Variants in JAG2 observed in about 807,000 individuals in gnomAD.
JAG2 encodes the protein jagged canonical Notch ligand 2.
In JAG2, 46 loss-of-function variants were observed where a neutral mutation model predicts 141.7. The ratio of observed to expected loss-of-function variants is 0.32; its 90% CI spans 0.26 to 0.42. The LOEUF is 0.42. JAG2 is among the 10% of genes least tolerant of loss of function. The probability of loss-of-function intolerance (pLI) is 1.00; values close to 1 mark genes in which losing one functional copy is unlikely to be tolerated. For missense variants in JAG2, 1,500 were observed against 1,817.5 expected, an observed-to-expected ratio of 0.83 and a Z score of 3.18; for synonymous variants, 862 against 763.5, an observed-to-expected ratio of 1.13 and a Z score of -2.13.
intron 5 of JAG2, among the ~76,000 whole-genome samples, chr14:105,153,306 C>T (rs1198039451): frequency 2.6e-5 from 4 of 152,250 alleles, no homozygotes; most frequent in African/African-American, 4.8e-5. Context: ...CCGGGAAGAA[C>T]GTGTCTCCAG....
intron 2 of JAG2, among the ~76,000 whole-genome samples, chr14:105,159,120 G>A (rs1394697768): frequency 6.6e-6 from 1 of 151,706 alleles, no homozygotes; most frequent in Non-Finnish European, 1.5e-5. Context: ...CAGCCTCCAG[G>A]ACCCCCACCC....
At chr14:105,165,649 G>T (rs1196683074) in intron 2 of JAG2, among the ~76,000 whole-genome samples, 4 of 152,166 alleles carry the variant, frequency 2.6e-5, no homozygotes, top group African/African-American at 9.7e-5. Flanking sequence ...TGGGTCAACA[G>T]CAGAGACCAC....
In JAG2 at chr14:105,143,039, T is replaced by C. The variant is rs1297005094; in HGVS notation, c.3373A>G (p.Asn1125Asp). The part of the protein sequence containing the change: ...RSRLPREESA[N>D]NQWAPLNPIR... ...GGGTTGAGCGGGGCCCACTGGTTGT[T>C]GGCGCTCTCCTCCCGCGGCAGCCGG... Residue 1125 changes from asparagine to aspartate, a missense_variant, in exon 26 of 26, where the codon AAC (asparagine) becomes GAC (aspartate). By Grantham distance (23) the Asn-to-Asp change is conservative (BLOSUM62 1). Around this residue, in one of 3 missense-constraint regions of JAG2, gnomAD observed 425 missense variants for 441.0 expected, o/e 0.96. Coordinates refer to ENST00000331782, the MANE Select transcript of JAG2 (RefSeq NM_002226.5). The C allele has an allele frequency of 6.2e-7, 1 of 1,604,620 alleles. No homozygotes were observed. The highest frequency in any genetic ancestry group is 8.5e-7 in the Non-Finnish European group (1 of 1,179,674).
At chr14:105,151,788 T>A in intron 7 of JAG2, 49 bp from the exon 8 acceptor site, 1 of 1,600,028 alleles carries the variant, frequency 6.2e-7, no homozygotes, top group African/African-American at 1.3e-5. Context: ...GCCCCCAGCT[T>A]TCCACAAGCA....
At position 105,157,587 on chromosome 14, in the gene JAG2, C is replaced by T. The variant is rs1888617880; in HGVS notation, c.475+119G>A. The T allele has an allele frequency of 5.9e-6, 6 of 1,015,376 alleles. No individual in the cohort carries two copies. The South Asian group carries it at 6.8e-5, about 12-fold the overall frequency. The allele number at this position is 1,015,376 out of a possible 1,614,324, so 62.9% of individuals were successfully genotyped here. A position where few individuals can be genotyped will look rare whatever the true frequency, so the allele number is the denominator to read the frequency against. On this transcript the variant is annotated intron_variant, in intron 3 of 25. Coordinates refer to ENST00000331782, the MANE Select transcript of JAG2 (RefSeq NM_002226.5). ...CTGGCAGCCAAAGCAAAAAGGGAAA[C>T]AGCACACATGATCCTCAGGGTAAAG...
chr14:105,146,935 T>A (rs1888243371), intron 20 of JAG2: 1 of 652,600 alleles, frequency 1.5e-6, no homozygotes, highest in Admixed American at 2.1e-5. Flanking sequence ...CTCCGTCTGC[T>A]TCTGCAGTGG....
chr14:105,157,886 C>G, intron 2 of JAG2, 123 bp from the exon 3 acceptor site: 1 of 868,752 alleles, frequency 1.2e-6, no homozygotes, highest in Non-Finnish European at 1.9e-6. Flanking sequence ...CCTTCCTCCC[C>G]AGCCAGGGAC....
Position 105,167,734 on chromosome 14 carries a change from C to A in JAG2, c.417+23G>T, listed in dbSNP as rs1317012733. On this transcript the variant is annotated intron_variant, in intron 2 of 25. Coordinates refer to ENST00000331782, the MANE Select transcript of JAG2 (RefSeq NM_002226.5). The surrounding 1 kb of genome is among the most constrained non-coding windows in gnomAD (Gnocchi z 4.8). ...GCGGAGAGAGAGGGAAGGGCTGGAG[C>A]ACGAGGGATGGAGCGCACGTACCGG... 1 of 1,440,854 alleles carries A rather than the reference C, an allele frequency of 6.9e-7. No homozygotes were observed. Among genetic ancestry groups the A allele is most frequent in the South Asian group, 1.3e-5 (1 of 74,268 alleles). 89.3% of individuals were successfully genotyped at this position (1,440,854 alleles called of 1,614,324 possible). A position where few individuals can be genotyped will look rare whatever the true frequency, so the allele number is the denominator to read the frequency against.
intron 24 of JAG2, among the ~76,000 whole-genome samples, chr14:105,143,945 C>T (rs1396860964): frequency 7.5e-6 from 1 of 133,054 alleles, no homozygotes; most frequent in Non-Finnish European, 1.5e-5. Flanking sequence ...CCCATCCGGG[C>T]GCACGGGACA....
chr14:105,148,286 T>C, intron 16 of JAG2, 40 bp downstream of exon 16: 1 of 1,591,906 alleles, frequency 6.3e-7, no homozygotes, highest in Non-Finnish European at 8.6e-7. Flanking sequence ...GCCAGGGTCC[T>C]GGGGGCAGCC....
intron 1 of JAG2, 46 bp from the exon 2 acceptor site, chr14:105,168,153 T>A: frequency 2.8e-6 from 4 of 1,421,718 alleles, no homozygotes; most frequent in Non-Finnish European, 3.7e-6. Flanking sequence ...CGGGCCGGGG[T>A]CGGCGGGCCG....
At position 105,152,041 on chromosome 14, in the gene JAG2, G is replaced by A; in HGVS notation, c.936C>T (p.Gly312=). The change falls in exon 7 of 26, where the codon GGC becomes GGT. Residue 312 remains glycine (G), a synonymous_variant. Coordinates refer to ENST00000331782, the MANE Select transcript of JAG2 (RefSeq NM_002226.5). The part of the protein sequence containing the change: ...LLCDKDLNYC[G]SHHPCTNGGT... Reference sequence around the variant, plus strand: ...CTCCGTTGGTGCAGGGGTGGTGGCTGCCACAGTAGTTCAGGTCTGGGGGCA... The same window carrying A: ...CTCCGTTGGTGCAGGGGTGGTGGCTACCACAGTAGTTCAGGTCTGGGGGCA... 1.2e-6 allele frequency: 2 copies of A among 1,613,280 alleles called. No individual in the cohort carries two copies. The highest frequency in any genetic ancestry group is 1.7e-6 in the Non-Finnish European group (2 of 1,179,948).
Position 105,168,017 on chromosome 14 carries a change from C to G in JAG2, c.157G>C (p.Asp53His). The change falls in exon 2 of 26, where the codon GAC becomes CAC. Residue 53 changes from aspartate to histidine, a missense_variant. Physicochemically the swap from Asp to His is moderately conservative, Grantham distance 81 (BLOSUM62 -1). Around this residue, in one of 3 missense-constraint regions of JAG2, gnomAD observed 200 missense variants for 174.3 expected, o/e 1.15. Transcript: ENST00000331782. Reference protein sequence around the residue: ...ELLSGACCDGDGRTTRAGGCG... With the variant: ...ELLSGACCDGHGRTTRAGGCG... ...CCCCCCGCGCGCGTTGTCCGGCCGT[C>G]GCCGTCACAGCAGGCGCCGCTCAGC... is the stretch of plus-strand genomic sequence containing the variant. 1 of 1,598,704 alleles carries G rather than the reference C, an allele frequency of 6.3e-7. No individual in the cohort carries two copies. Among genetic ancestry groups the G allele is most frequent in the Non-Finnish European group, 8.5e-7 (1 of 1,177,120 alleles).
intron 20 of JAG2, chr14:105,147,095 G>C: frequency 1.6e-6 from 1 of 613,696 alleles, no homozygotes. Flanking sequence ...ACAGCTCCCT[G>C]GGCCCCGGAC....
intron 8 of JAG2, 25 bp downstream of exon 8, chr14:105,151,601 C>G: frequency 6.4e-7 from 1 of 1,556,106 alleles, no homozygotes; most frequent in South Asian, 1.2e-5. Flanking sequence ...AGGCAGGAGT[C>G]CCCTACTCAC....
chr14:105,168,142 G>C, intron 1 of JAG2, 35 bp from the exon 2 acceptor site: 1 of 1,463,224 alleles, frequency 6.8e-7, no homozygotes, highest in East Asian at 2.9e-5. Context: ...GGAGGGAGGC[G>C]CGGGCCGGGG....
intron 2 of JAG2, among the ~76,000 whole-genome samples, chr14:105,159,311 T>TG (rs1045957550): frequency 1.3e-5 from 2 of 151,904 alleles, no homozygotes; most frequent in Non-Finnish European, 2.9e-5. Flanking sequence ...AGGATGGAAG[T>TG]GGGGGGCCAT....
At position 105,149,093 on chromosome 14, in the gene JAG2, T is replaced by C. The variant is rs753758276; in HGVS notation, c.1754-4A>G. ...TCTGACCCGCAGCCATCGATCACTA[T>C]GGCAGGCAGTACAGTCAGGAGTCAG... On this transcript the variant is annotated splice_region_variant and splice_polypyrimidine_tract_variant and intron_variant, in intron 13 of 25. Coordinates refer to ENST00000331782, the MANE Select transcript of JAG2 (RefSeq NM_002226.5). 6.8e-6 allele frequency: 11 copies of C among 1,607,314 alleles called. No individual in the cohort carries two copies. Among genetic ancestry groups the C allele is most frequent in the Non-Finnish European group, 9.3e-6 (11 of 1,178,156 alleles).
Position 105,167,757 on chromosome 14 carries a change from C to A in JAG2, c.417G>T (p.Pro139=). ...LVVIPFQFAW[P]RSFTLIVEAW... ...AGCACGAGGGATGGAGCGCACGTAC[C>A]GGCCAGGCGAACTGGAAGGGGATGA... The change falls in exon 2 of 26, where the codon CCG becomes CCT. Residue 139 remains proline, a splice_region_variant and synonymous_variant. Coordinates refer to ENST00000331782, the MANE Select transcript of JAG2 (RefSeq NM_002226.5). This position sits in a 1 kb window ranked among gnomAD's most constrained non-coding sequence, Gnocchi z 4.8. 6.9e-7 allele frequency: 1 copy of A among 1,456,368 alleles called. No individual in the cohort carries two copies. The allele number at this position is 1,456,368 out of a possible 1,614,324, so 90.2% of individuals were successfully genotyped here.
Sources: allele counts gnomAD v4.1 joint callset (sites outside exome capture counted in the v4.1 genomes callset), GRCh38; gene constraint gnomAD v4.1.1; regional missense constraint gnomAD v4.1.1; non-coding constraint Gnocchi (gnomAD v3.1); transcripts MANE v1.5; gene names NCBI Gene and HGNC (gene_info 2026-07-23, HGNC 2026-07-21).